The following TIMM23B variants were observed in gnomAD, a reference collection of about 807,000 sequenced individuals.
The protein encoded by TIMM23B is mitochondrial import inner membrane translocase subunit Tim23B.
A neutral mutation model predicts 27.3 loss-of-function variants in TIMM23B; 27 were observed. The ratio of observed to expected loss-of-function variants is 0.99; its 90% CI spans 0.73 to 1.36. The LOEUF is 1.36. TIMM23B is among the 40% of genes most tolerant of loss of function. The pLI is 0.00. For synonymous variants in TIMM23B, 73 were observed against 92.4 expected (o/e 0.79, Z 1.21); for missense variants, 205 against 244.2 (o/e 0.84, Z 1.07).
chr10:49,964,646 G>C (rs530761413), intron 6 of TIMM23B, among the ~76,000 whole-genome samples: 20 of 144,888 alleles, frequency 1.4e-4, no homozygotes, highest in Admixed American at 6.9e-4. Flanking sequence ...TAAATGAAAT[G>C]ATGAAATGAA....
Position 49,973,067 on chromosome 10 carries a change from C to G in TIMM23B, c.*3C>G. ...GTGTGCTGCTGTCTGGCTCCTGAAC[C>G]CAGCTGTAGAGGTGTGTGTCAATCC... On this transcript the variant is annotated 3_prime_UTR_variant, in exon 7 of 7. Coordinates refer to ENST00000651259, the MANE Select transcript of TIMM23B (RefSeq NM_001290117.2). 6.5e-7 allele frequency: 1 copy of G among 1,533,222 alleles called. No homozygotes were observed. The highest frequency in any genetic ancestry group is 2.4e-5 in the East Asian group (1 of 40,908). The allele number at this position is 1,533,222 out of a possible 1,614,324, so 95.0% of individuals were successfully genotyped here. A position where few individuals can be genotyped will look rare whatever the true frequency, so the allele number is the denominator to read the frequency against.
chr10:49,952,051 A>G, intron 2 of TIMM23B, 75 bp from the exon 3 acceptor site: 1 of 1,134,238 alleles, frequency 8.8e-7, no homozygotes, highest in Non-Finnish European at 1.3e-6. Flanking sequence ...AACTACTTGA[A>G]ATGTTAAAAA....
intron 1 of TIMM23B, chr10:49,943,223 GT>G (rs1839217108): frequency 6.8e-6 from 1 of 147,668 alleles, no homozygotes; most frequent in Non-Finnish European, 1.5e-5. Flanking sequence ...TTTTTTTTTT[GT>G]TTGTTTTTAG....
chr10:49,972,035 A>T (rs1840473786), intron 6 of TIMM23B, among the ~76,000 whole-genome samples: 1 of 152,254 alleles, frequency 6.6e-6, no homozygotes, highest in African/African-American at 2.4e-5. Context: ...TAAGCTGAAT[A>T]AACATTTGGT....
intron 1 of TIMM23B, 87 bp from the exon 2 acceptor site, chr10:49,944,945 C>T (rs1437810645): frequency 1.3e-6 from 2 of 1,542,868 alleles, no homozygotes; most frequent in African/African-American, 2.7e-5. Context: ...AAATTGCAAA[C>T]ACATGTAACA....
At chr10:49,943,272 G>C (rs1468343321) in intron 1 of TIMM23B, 1 of 152,014 alleles carries the variant, frequency 6.6e-6, no homozygotes, top group African/African-American at 2.4e-5. Flanking sequence ...TTGGGGTGCG[G>C]TGGCATGATT....
At chr10:49,964,607 G>A (rs1200181109) in intron 6 of TIMM23B, among the ~76,000 whole-genome samples, 12 of 150,026 alleles carry the variant, frequency 8.0e-5, no homozygotes, top group African/African-American at 2.7e-4. Context: ...GAAATGCCGG[G>A]TGAAATGAAA....
intron 5 of TIMM23B, among the ~76,000 whole-genome samples, chr10:49,955,640 G>C (rs1839691704): frequency 6.6e-6 from 1 of 152,164 alleles, no homozygotes; most frequent in Non-Finnish European, 1.5e-5. Flanking sequence ...ACTTACAATA[G>C]ATCTCTTATG....
chr10:49,963,946 TAGAAC>T (rs1840015747), intron 6 of TIMM23B, among the ~76,000 whole-genome samples: 1 of 152,080 alleles, frequency 6.6e-6, no homozygotes, highest in Non-Finnish European at 1.5e-5. Context: ...GCCTGGGTGT[TAGAAC>T]AAGCCTCTGG....
intron 6 of TIMM23B, among the ~76,000 whole-genome samples, chr10:49,965,723 G>A (rs1465511046): frequency 3.2e-4 from 43 of 135,094 alleles, no homozygotes; most frequent in Admixed American, 8.9e-4. Context: ...ACGAAATGCC[G>A]GGTGAAATGA....
intron 2 of TIMM23B, among the ~76,000 whole-genome samples, chr10:49,946,694 G>T (rs1839364987): frequency 6.7e-6 from 1 of 149,230 alleles, no homozygotes; most frequent in Non-Finnish European, 1.5e-5. Flanking sequence ...AAAGACACAT[G>T]CTATGATCCT....
chr10:49,953,541 T>TCA (rs1162660978), intron 4 of TIMM23B, among the ~76,000 whole-genome samples: 2 of 152,178 alleles, frequency 1.3e-5, no homozygotes, highest in African/African-American at 2.4e-5. Flanking sequence ...AGACGGGGTC[T>TCA]CACTGTATTG....
At chr10:49,961,565 T>C (rs1839910190) in intron 6 of TIMM23B, among the ~76,000 whole-genome samples, 1 of 151,608 alleles carries the variant, frequency 6.6e-6, no homozygotes, top group Non-Finnish European at 1.5e-5. Context: ...CCCTTACTTA[T>C]CTCTTCCAGG....
chr10:49,955,714 TTG>T (rs1454722877), intron 5 of TIMM23B, among the ~76,000 whole-genome samples: 1 of 152,184 alleles, frequency 6.6e-6, no homozygotes, highest in East Asian at 1.9e-4. Flanking sequence ...TCAATTTAAA[TTG>T]TGGCAGATTA....
chr10:49,945,762 A>G (rs1241588816), intron 2 of TIMM23B, among the ~76,000 whole-genome samples: 10,549 of 152,194 alleles, frequency 0.069, 496 homozygotes, highest in African/African-American at 0.12. Context: ...TTAACATCTG[A>G]AAATTAATGT....
intron 6 of TIMM23B, among the ~76,000 whole-genome samples, chr10:49,971,763 T>C (rs530583876): frequency 0.011 from 1,664 of 152,318 alleles, 22 homozygotes; most frequent in African/African-American, 0.038. Flanking sequence ...TAACAGCTCC[T>C]TAAGAAAACC....
chr10:49,959,565 G>A (rs1490974977), intron 6 of TIMM23B, among the ~76,000 whole-genome samples: 2 of 151,842 alleles, frequency 1.3e-5, no homozygotes, highest in Admixed American at 6.6e-5. Flanking sequence ...ATCCACATAC[G>A]TGATTTTTTA....
intron 6 of TIMM23B, among the ~76,000 whole-genome samples, chr10:49,971,975 T>G (rs1840471393): frequency 2.0e-5 from 3 of 152,194 alleles, no homozygotes; most frequent in African/African-American, 7.2e-5. Flanking sequence ...AACAGCTGAC[T>G]TGGGACTAAA....
chr10:49,958,815 A>G (rs1330751375), intron 6 of TIMM23B, among the ~76,000 whole-genome samples: 2 of 152,200 alleles, frequency 1.3e-5, no homozygotes, highest in Non-Finnish European at 2.9e-5. Flanking sequence ...CTGTCTCTGA[A>G]TTGGCTGCTT....
Sources: allele counts gnomAD v4.1 joint callset (sites outside exome capture counted in the v4.1 genomes callset), GRCh38; gene constraint gnomAD v4.1.1; transcripts MANE v1.5; gene names NCBI Gene and HGNC (gene_info 2026-07-23, HGNC 2026-07-21).